TBC1D2: variants seen among roughly 807,000 people sequenced by gnomAD.
TBC1D2 encodes TBC1 domain family member 2A.
Under a neutral mutation model 91.1 loss-of-function variants are expected in TBC1D2, and 58 were observed. The observed-to-expected ratio is 0.64, with a 90% CI of 0.52 to 0.79. The LOEUF is 0.79. TBC1D2 is among the 30% of genes least tolerant of loss of function. The probability of loss-of-function intolerance (pLI) is 0.00; values close to 1 mark genes in which losing one functional copy is unlikely to be tolerated. For missense variants in TBC1D2, 1,080 were observed against 1,208.3 expected (o/e 0.89, Z 1.57); for synonymous variants, 482 against 511.5 (o/e 0.94, Z 0.78).
intron 10 of TBC1D2, 33 bp downstream of exon 10, chr9:98,203,255 A>T: frequency 6.2e-7 from 1 of 1,613,194 alleles, no homozygotes; most frequent in South Asian, 1.1e-5. Context: ...ACTGCCCTAC[A>T]TGGCTGCAAA....
At position 98,209,071 on chromosome 9, in the gene TBC1D2, G is replaced by A. The variant is rs372214653; in HGVS notation, c.1747C>T (p.Gln583Ter). The change falls in exon 9 of 13, where the codon CAG (glutamine) becomes TAG (stop). Residue 583 changes from glutamine to a stop codon, truncating the protein, a stop_gained. Transcript: ENST00000465784. LOFTEE classifies it high-confidence loss of function. ...TGGTGGGATCGTGACTCCAATGCCT[G>A]GATCTTGGCCAGCAGCTTCAGGTCT... ...VEDLKLLAKI[Q>*]ALESRSHHLL... is the part of the protein sequence containing the mutation. 3.1e-6 allele frequency: 5 copies of A among 1,614,064 alleles called. No individual in the cohort carries two copies. The African/African-American group carries it at 6.7e-5, about 22-fold the overall frequency.
intron 4 of TBC1D2, among the ~76,000 whole-genome samples, chr9:98,230,672 C>A (rs1189277982): frequency 6.6e-6 from 1 of 152,140 alleles, no homozygotes; most frequent in Non-Finnish European, 1.5e-5. Flanking sequence ...GTGGCTCACG[C>A]CTGTAATCCT....
intron 9 of TBC1D2, 36 bp downstream of exon 9, chr9:98,208,632 T>G (rs780538532): frequency 5.3e-5 from 80 of 1,508,806 alleles, no homozygotes; most frequent in Admixed American, 6.8e-5. Context: ...CTCCAAAAGG[T>G]AAAGATCACA....
intron 5 of TBC1D2, among the ~76,000 whole-genome samples, chr9:98,225,779 A>G (rs1403638860): frequency 6.6e-6 from 1 of 152,222 alleles, no homozygotes. Flanking sequence ...TCTCTTCCCC[A>G]CTAGATGGTG....
intron 3 of TBC1D2, among the ~76,000 whole-genome samples, chr9:98,242,538 C>G (rs558999475): frequency 6.6e-6 from 1 of 152,232 alleles, no homozygotes; most frequent in African/African-American, 2.4e-5. Flanking sequence ...AGTTTCCATC[C>G]CTTCAACTAG....
At position 98,199,586 on chromosome 9, in the gene TBC1D2, T is replaced by C; in HGVS notation, c.2582A>G (p.Lys861Arg). Residue 861 changes from lysine to arginine, a missense_variant and splice_region_variant, in exon 13 of 13, where the codon AAG becomes AGG. Coordinates refer to ENST00000465784, the MANE Select transcript of TBC1D2 (RefSeq NM_001267571.2). ...GTCATTGAAGGCGATGTTCATCAGCTTCCTGGGAGGAGGGCACAATCAGCC... is the reference window on the plus strand; with the variant it reads ...GTCATTGAAGGCGATGTTCATCAGCCTCCTGGGAGGAGGGCACAATCAGCC... The part of the protein sequence containing the change: ...FFTKTISNSR[K>R]LMNIAFNDMN... The C allele has an allele frequency of 1.9e-6, 3 of 1,613,986 alleles. No individual in the cohort carries two copies. Among genetic ancestry groups the C allele is most frequent in the Non-Finnish European group, 2.5e-6 (3 of 1,180,042 alleles).
intron 3 of TBC1D2, among the ~76,000 whole-genome samples, chr9:98,236,483 A>G (rs951339074): frequency 3.3e-4 from 50 of 152,138 alleles, no homozygotes; most frequent in African/African-American, 1.2e-3. Context: ...TTGGCTTCCC[A>G]AAGTTCTGGG....
intron 9 of TBC1D2, among the ~76,000 whole-genome samples, chr9:98,208,324 G>A (rs72603688): frequency 0.073 from 11,096 of 152,148 alleles, 462 homozygotes; most frequent in East Asian, 0.14. Context: ...ACTAGGGACC[G>A]GTTTCATGAA....
At chr9:98,205,856 CG>C (rs1554751106) in intron 9 of TBC1D2, among the ~76,000 whole-genome samples, 7 of 152,134 alleles carry the variant, frequency 4.6e-5, no homozygotes, top group Non-Finnish European at 1.0e-4. Flanking sequence ...GCCACGGCGC[CG>C]GGCCCACACA....
Position 98,209,022 on chromosome 9 carries a change from T to C in TBC1D2, c.1796A>G (p.Asp599Gly). Residue 599 changes from aspartate to glycine, a missense_variant, in exon 9 of 13, where the codon GAT (aspartate) becomes GGT (glycine). Physicochemically the swap from Asp to Gly is moderately conservative, Grantham distance 94 (BLOSUM62 -1). Transcript: ENST00000465784. Reference sequence around the variant, plus strand: ...AGCCCAGCGCTCCCTCAGCGGCCGATCCACAGCCTCGAGGCCCAGCAGGTG... The same window carrying C: ...AGCCCAGCGCTCCCTCAGCGGCCGACCCACAGCCTCGAGGCCCAGCAGGTG... ...SHHLLGLEAV[D>G]RPLRERWAAL... The C allele has an allele frequency of 4.3e-6, 7 of 1,614,096 alleles. No individual in the cohort carries two copies. The highest frequency in any genetic ancestry group is 4.2e-6 in the Non-Finnish European group (5 of 1,180,018).
chr9:98,209,537 C>A (rs977764020), intron 8 of TBC1D2, among the ~76,000 whole-genome samples: 6 of 152,278 alleles, frequency 3.9e-5, no homozygotes, highest in Non-Finnish European at 7.4e-5. Context: ...AGCCAGTAAG[C>A]GCAGGGGTGG....
intron 11 of TBC1D2, among the ~76,000 whole-genome samples, 191 bp from the exon 12 acceptor site, chr9:98,200,565 G>C (rs1041993773): frequency 3.3e-5 from 5 of 151,640 alleles, no homozygotes; most frequent in Non-Finnish European, 5.9e-5. Flanking sequence ...GCGGGGTGGT[G>C]GGGGGGCGGG....
intron 6 of TBC1D2, among the ~76,000 whole-genome samples, chr9:98,220,345 G>A (rs1206990455): frequency 1.3e-5 from 2 of 152,178 alleles, no homozygotes; most frequent in African/African-American, 4.8e-5. Context: ...GGCAGTGCCT[G>A]GCACACAGGA....
At chr9:98,209,223 C>T in intron 8 of TBC1D2, 79 bp from the exon 9 acceptor site, 2 of 1,427,740 alleles carry the variant, frequency 1.4e-6, no homozygotes, top group Non-Finnish European at 1.9e-6. Flanking sequence ...GGGAGGACCC[C>T]AGGCCAGGTT....
chr9:98,209,199 G>GGGT (rs1306803559), intron 8 of TBC1D2, 55 bp from the exon 9 acceptor site: 58 of 1,547,902 alleles, frequency 3.7e-5, no homozygotes, highest in Non-Finnish European at 4.8e-5. Flanking sequence ...CCTAGATAAG[G>GGGT]GGTGGTGGTG....
chr9:98,238,050 T>C (rs980214114), intron 3 of TBC1D2, among the ~76,000 whole-genome samples: 6 of 143,540 alleles, frequency 4.2e-5, no homozygotes, highest in African/African-American at 1.8e-4. Flanking sequence ...ATTACAGGAA[T>C]GTGCTACCAT....
At chr9:98,240,949 G>C (rs1238471884) in intron 3 of TBC1D2, among the ~76,000 whole-genome samples, 2 of 152,196 alleles carry the variant, frequency 1.3e-5, no homozygotes, top group Admixed American at 1.3e-4. Flanking sequence ...CAGCATGGGA[G>C]TGGTGATCCT....
At chr9:98,200,147 CA>C in intron 12 of TBC1D2, 105 bp downstream of exon 12, 1 of 1,477,040 alleles carries the variant, frequency 6.8e-7, no homozygotes, top group Middle Eastern at 2.3e-4. Flanking sequence ...ATACGAGCAT[CA>C]GCGTCACTTA....
At chr9:98,239,743 G>A (rs1029988716) in intron 3 of TBC1D2, among the ~76,000 whole-genome samples, 1 of 151,982 alleles carries the variant, frequency 6.6e-6, no homozygotes, top group African/African-American at 2.4e-5. Flanking sequence ...TGAAGAATTG[G>A]TATTAATTTT....
Sources: allele counts gnomAD v4.1 joint callset (sites outside exome capture counted in the v4.1 genomes callset), GRCh38; gene constraint gnomAD v4.1.1; transcripts MANE v1.5; gene names NCBI Gene and HGNC (gene_info 2026-07-23, HGNC 2026-07-21).